Variants in XIRP2 observed in about 807,000 individuals in gnomAD.
The protein encoded by XIRP2 is xin actin-binding repeat-containing protein 2.
In XIRP2, 236 loss-of-function variants were observed where a neutral mutation model predicts 277.0. The observed-to-expected ratio is 0.85, with a 90% CI of 0.77 to 0.95. The LOEUF is 0.95. XIRP2 is among the 40% of genes least tolerant of loss of function. The pLI, the probability that XIRP2 is intolerant of heterozygous loss-of-function variation, is 0.00. For missense variants in XIRP2, 4,640 were observed against 4,157.5 expected (o/e 1.12, Z -3.19); for synonymous variants, 1,490 against 1,416.5 (o/e 1.05, Z -1.17).
At chr2:167,183,056 G>A (rs1317531308) in intron 3 of XIRP2, among the ~76,000 whole-genome samples, 1 of 152,086 alleles carries the variant, frequency 6.6e-6, no homozygotes, top group Non-Finnish European at 1.5e-5. Flanking sequence ...TTTTATTTCA[G>A]GTTATCAAGA....
At chr2:167,145,279 A>C (rs896952376) in intron 3 of XIRP2, among the ~76,000 whole-genome samples, 1 of 152,188 alleles carries the variant, frequency 6.6e-6, no homozygotes, top group Non-Finnish European at 1.5e-5. Flanking sequence ...TAAGCTAATT[A>C]AGCACAAATT....
chr2:166,962,692 A>G (rs550565525), intron 2 of XIRP2, among the ~76,000 whole-genome samples: 31 of 151,922 alleles, frequency 2.0e-4, no homozygotes, highest in African/African-American at 7.0e-4. Flanking sequence ...AGATAATCCA[A>G]TGTCAGTAAT....
At chr2:166,928,410 A>T (rs1449825091) in intron 2 of XIRP2, among the ~76,000 whole-genome samples, 1 of 152,136 alleles carries the variant, frequency 6.6e-6, no homozygotes, top group East Asian at 1.9e-4. Context: ...GTTAACACTT[A>T]GTATAAAAGG....
At chr2:167,057,059 G>A (rs1461103698) in intron 2 of XIRP2, among the ~76,000 whole-genome samples, 1 of 152,126 alleles carries the variant, frequency 6.6e-6, no homozygotes, top group Non-Finnish European at 1.5e-5. Context: ...TATATTTAAT[G>A]AAAACTGTGG....
intron 2 of XIRP2, among the ~76,000 whole-genome samples, chr2:167,029,968 T>C (rs78544647): frequency 0.13 from 19,329 of 151,958 alleles, 1,731 homozygotes; most frequent in East Asian, 0.46. Flanking sequence ...GGAATTTATC[T>C]TTTTCTTATA....
At chr2:167,067,903 G>A (rs1689338888) in intron 2 of XIRP2, among the ~76,000 whole-genome samples, 1 of 152,070 alleles carries the variant, frequency 6.6e-6, no homozygotes, top group South Asian at 2.1e-4. Flanking sequence ...GTAGTTTTCA[G>A]TTTTCCATAT....
Position 167,165,226 on chromosome 2 carries a change from C to T in XIRP2, c.562+29164C>T, listed in dbSNP as rs112716331. Among the ~76,000 whole-genome samples the T allele has an allele frequency of 7.9e-4, 121 of 152,256 alleles. No homozygotes were observed. The East Asian group carries it at 0.016, about 21-fold the overall frequency. On this transcript the variant is annotated intron_variant, in intron 3 of 10. Coordinates refer to ENST00000409195, the MANE Select transcript of XIRP2 (RefSeq NM_152381.6). ...ATATTTCATTGTCTGGATATGCCAC[C>T]GCTTTTTGTCCATTCACCTACTGAA... is the stretch of plus-strand genomic sequence containing the variant.
chr2:166,946,208 T>A (rs558901728), intron 2 of XIRP2, among the ~76,000 whole-genome samples: 2 of 152,262 alleles, frequency 1.3e-5, no homozygotes, highest in South Asian at 4.1e-4. Flanking sequence ...AAGGAGAGTA[T>A]CCTGATTATA....
At chr2:166,904,039 C>T in intron 2 of XIRP2, 149 bp downstream of exon 2, 1 of 905,964 alleles carries the variant, frequency 1.1e-6, no homozygotes, top group South Asian at 2.1e-5. Context: ...AATGTGACAT[C>T]CTCTCCTATT....
intron 3 of XIRP2, among the ~76,000 whole-genome samples, chr2:167,163,738 T>G (rs1313394010): frequency 1.3e-5 from 2 of 152,236 alleles, no homozygotes; most frequent in Non-Finnish European, 2.9e-5. Flanking sequence ...ACTCTAGAAT[T>G]GCAAAGATAT....
chr2:167,029,175 T>C (rs1397066372), intron 2 of XIRP2, among the ~76,000 whole-genome samples: 2 of 152,074 alleles, frequency 1.3e-5, no homozygotes, highest in Non-Finnish European at 2.9e-5. Context: ...TGACTTCCTC[T>C]CTTCCTATTT....
chr2:167,143,821 G>A (rs1558995489), intron 3 of XIRP2, among the ~76,000 whole-genome samples: 1 of 151,570 alleles, frequency 6.6e-6, no homozygotes, highest in Non-Finnish European at 1.5e-5. Context: ...GAAACCCTGT[G>A]TATTTCTAGA....
intron 2 of XIRP2, among the ~76,000 whole-genome samples, chr2:167,083,370 G>T (rs1292726242): frequency 6.6e-6 from 1 of 152,228 alleles, no homozygotes; most frequent in Non-Finnish European, 1.5e-5. Flanking sequence ...ATTGAAGTCA[G>T]GTAGTGTGAT....
At chr2:167,001,364 T>G (rs1013264348) in intron 2 of XIRP2, among the ~76,000 whole-genome samples, 7 of 152,166 alleles carry the variant, frequency 4.6e-5, no homozygotes, top group Non-Finnish European at 7.4e-5. Context: ...ATTCAGATTC[T>G]GAGTTAGGAT....
chr2:166,973,009 A>AT (rs368197754), intron 2 of XIRP2, among the ~76,000 whole-genome samples: 26 of 152,242 alleles, frequency 1.7e-4, no homozygotes, highest in African/African-American at 5.3e-4. Context: ...TATTTTACAC[A>AT]TTTTTTTGTT....
intron 2 of XIRP2, among the ~76,000 whole-genome samples, chr2:167,062,702 G>T (rs1010494472): frequency 6.6e-6 from 1 of 152,124 alleles, no homozygotes; most frequent in Admixed American, 6.6e-5. Flanking sequence ...TAGATGTAAG[G>T]TTATTACAGT....
intron 2 of XIRP2, among the ~76,000 whole-genome samples, chr2:166,932,192 T>C (rs929754521): frequency 1.3e-5 from 2 of 151,906 alleles, no homozygotes; most frequent in African/African-American, 4.8e-5. Flanking sequence ...GTGACTTACA[T>C]GTATACACAC....
At position 167,243,324 on chromosome 2, in the gene XIRP2, T is replaced by C; in HGVS notation, c.1932T>C (p.Pro644=). Residue 644 remains proline, a synonymous_variant, in exon 9 of 11, where the codon CCT becomes CCC. Coordinates refer to ENST00000409195, the MANE Select transcript of XIRP2 (RefSeq NM_152381.6). The part of the protein sequence containing the change: ...SDTVENAEKI[P]ELARGDVCTA... ...CTGTAGAAAATGCAGAGAAAATTCC[T>C]GAGCTAGCCAGAGGAGATGTCTGCA... is the stretch of plus-strand genomic sequence containing the variant. 6.2e-7 allele frequency: 1 copy of C among 1,614,098 alleles called. No individual in the cohort carries two copies. The highest frequency in any genetic ancestry group is 8.5e-7 in the Non-Finnish European group (1 of 1,179,984).
intron 3 of XIRP2, among the ~76,000 whole-genome samples, chr2:167,170,894 C>CTTTTTTTTTTT (rs773187641): frequency 1.1e-5 from 1 of 92,702 alleles, no homozygotes; most frequent in Admixed American, 1.3e-4. Flanking sequence ...TGCCTTTCTT[C>CTTTTTTTTTTT]TTTTTTTTTT....
Sources: allele counts gnomAD v4.1 joint callset (sites outside exome capture counted in the v4.1 genomes callset), GRCh38; gene constraint gnomAD v4.1.1; transcripts MANE v1.5; gene names NCBI Gene and HGNC (gene_info 2026-07-23, HGNC 2026-07-21).